CNTN5: variants seen among roughly 807,000 people sequenced by gnomAD.
CNTN5 encodes the protein contactin-5.
Under a neutral mutation model 129.1 loss-of-function variants are expected in CNTN5, and 77 were observed. The ratio of observed to expected loss-of-function variants is 0.60; its 90% confidence interval spans 0.50 to 0.72. CNTN5 has a LOEUF of 0.72. Among genes scored for constraint, CNTN5 ranks in the 30% least tolerant of loss-of-function variants. CNTN5 has a pLI of 0.00. For synonymous variants in CNTN5, 509 were observed against 465.6 expected (o/e 1.09, Z -1.20); for missense variants, 1,478 against 1,328.8 (o/e 1.11, Z -1.75).
At chr11:99,399,456 T>C (rs1274318463) in intron 2 of CNTN5, among the ~76,000 whole-genome samples, 1 of 151,722 alleles carries the variant, frequency 6.6e-6, no homozygotes, top group Non-Finnish European at 1.5e-5. Flanking sequence ...TAATAAACAT[T>C]ATTATTAAAA....
At chr11:100,310,920 G>A (rs1408662732) in intron 21 of CNTN5, among the ~76,000 whole-genome samples, 2 of 151,898 alleles carry the variant, frequency 1.3e-5, no homozygotes, top group Non-Finnish European at 2.9e-5. Context: ...ATGATGAAGA[G>A]ATTAGCAGGA....
chr11:99,113,187 C>A (rs567056914), intron 1 of CNTN5, among the ~76,000 whole-genome samples: 1 of 152,184 alleles, frequency 6.6e-6, no homozygotes, highest in East Asian at 1.9e-4. Context: ...GTTACACCTT[C>A]AATGTGCTCA....
intron 2 of CNTN5, among the ~76,000 whole-genome samples, chr11:99,468,395 C>T (rs761393075): frequency 6.6e-6 from 1 of 151,970 alleles, no homozygotes; most frequent in Non-Finnish European, 1.5e-5. Flanking sequence ...GAACCAAGAA[C>T]ATTGCTTATG....
At chr11:99,091,886 C>T (rs1866268393) in intron 1 of CNTN5, among the ~76,000 whole-genome samples, 1 of 152,138 alleles carries the variant, frequency 6.6e-6, no homozygotes, top group African/African-American at 2.4e-5. Flanking sequence ...ACTCAATGAT[C>T]TTGGTCAAAT....
chr11:100,232,126 C>T (rs185858453), intron 16 of CNTN5, among the ~76,000 whole-genome samples: 1 of 152,098 alleles, frequency 6.6e-6, no homozygotes, highest in African/African-American at 2.4e-5. Context: ...TGCACTCCAG[C>T]CTGGCCAACA....
chr11:100,106,638 A>T (rs1945443116), intron 13 of CNTN5, among the ~76,000 whole-genome samples: 1 of 152,200 alleles, frequency 6.6e-6, no homozygotes, highest in African/African-American at 2.4e-5. Flanking sequence ...AAATGAAAAA[A>T]ATAGGGACCA....
intron 3 of CNTN5, among the ~76,000 whole-genome samples, chr11:99,756,607 C>CT (rs1489927358): frequency 6.6e-6 from 1 of 152,026 alleles, no homozygotes; most frequent in Non-Finnish European, 1.5e-5. Context: ...GATTGCCAGA[C>CT]TTGCTGTGGT....
At chr11:99,334,729 T>C (rs1370578784) in intron 2 of CNTN5, among the ~76,000 whole-genome samples, 1 of 151,164 alleles carries the variant, frequency 6.6e-6, no homozygotes, top group Non-Finnish European at 1.5e-5. Context: ...AGACACAGTA[T>C]GAAAAAAATG....
intron 2 of CNTN5, among the ~76,000 whole-genome samples, chr11:99,377,666 A>G (rs1940266047): frequency 6.6e-6 from 1 of 152,246 alleles, no homozygotes; most frequent in African/African-American, 2.4e-5. Flanking sequence ...CAAATATGAG[A>G]CTACTTGGCA....
chr11:99,128,539 G>A (rs971823960), intron 1 of CNTN5, among the ~76,000 whole-genome samples: 1 of 152,206 alleles, frequency 6.6e-6, no homozygotes, highest in African/African-American at 2.4e-5. Context: ...GTCAAGTTCA[G>A]TGGGCTTAAT....
At chr11:99,959,093 G>A (rs890386527) in intron 8 of CNTN5, among the ~76,000 whole-genome samples, 4 of 152,122 alleles carry the variant, frequency 2.6e-5, no homozygotes, top group African/African-American at 9.7e-5. Context: ...CTTTGCCTCT[G>A]TGTCTTCTGT....
At chr11:99,162,092 C>A (rs4608048) in intron 1 of CNTN5, among the ~76,000 whole-genome samples, 138,088 of 151,952 alleles carry the variant, frequency 0.91, 62,995 homozygotes, top group East Asian at 0.99. Context: ...ATAGAACCTC[C>A]TTTTTTTTTC....
chr11:99,323,312 A>G (rs944747844), intron 1 of CNTN5, among the ~76,000 whole-genome samples: 2 of 152,262 alleles, frequency 1.3e-5, no homozygotes, highest in East Asian at 3.9e-4. Context: ...ATCACAACAT[A>G]CTGTCTTAAA....
chr11:99,556,591 A>ATATC (rs1555026495), intron 3 of CNTN5, among the ~76,000 whole-genome samples: 2 of 137,494 alleles, frequency 1.5e-5, no homozygotes, highest in Admixed American at 7.4e-5. Flanking sequence ...ATATATATAT[A>ATATC]TATCTCCCAC....
At chr11:100,134,523 A>G (rs76621581) in intron 13 of CNTN5, among the ~76,000 whole-genome samples, 240 of 152,274 alleles carry the variant, frequency 1.6e-3, no homozygotes, top group Non-Finnish European at 2.6e-3. Context: ...CTGGAGTTTT[A>G]TTATTTTATT....
chr11:99,528,941 CATAATACCA>C (rs1250852434), intron 2 of CNTN5, among the ~76,000 whole-genome samples: 2 of 135,204 alleles, frequency 1.5e-5, no homozygotes, highest in East Asian at 4.2e-4. Context: ...GGTGCATGCC[CATAATACCA>C]GCTAATACCA....
intron 6 of CNTN5, among the ~76,000 whole-genome samples, chr11:99,848,086 CTGTAG>C (rs1947758334): frequency 6.6e-6 from 1 of 152,146 alleles, no homozygotes; most frequent in Admixed American, 6.5e-5. Context: ...TGGCACATGC[CTGTAG>C]TCCCAGCTAC....
At chr11:99,654,677 C>T (rs1952283872) in intron 3 of CNTN5, among the ~76,000 whole-genome samples, 2 of 151,978 alleles carry the variant, frequency 1.3e-5, no homozygotes, top group African/African-American at 4.8e-5. Flanking sequence ...AAAATGATGT[C>T]CCTTAAGTGC....
chr11:99,435,201 TCTC>T (rs1396222154), intron 2 of CNTN5, among the ~76,000 whole-genome samples: 1 of 152,116 alleles, frequency 6.6e-6, no homozygotes. Context: ...ATTTGACAAT[TCTC>T]CTGTCAAATT....
Sources: gnomAD v4.1 joint callset for allele counts (sites outside exome capture counted in the v4.1 genomes callset) on GRCh38, gnomAD v4.1.1 for gene constraint, MANE v1.5 for transcripts, NCBI Gene and HGNC (gene_info 2026-07-23, HGNC 2026-07-21) for gene names.